The following MAP3K7 variants were observed in gnomAD, a reference collection of about 807,000 sequenced individuals.
The protein encoded by MAP3K7 is TGF-beta activated kinase 1.
MAP3K7 carries 21 observed loss-of-function variants against 84.8 expected under a neutral mutation model. That is an observed-to-expected ratio of 0.25 (90% CI 0.18 to 0.36). The LOEUF (loss-of-function observed/expected upper bound fraction) is 0.36. MAP3K7 is among the 10% of genes least tolerant of loss of function. The pLI, the probability that MAP3K7 is intolerant of heterozygous loss-of-function variation, is 1.00. For synonymous variants in MAP3K7, 241 were observed against 247.7 expected, an observed-to-expected ratio of 0.97 and a Z score of 0.25; for missense variants, 503 against 747.7, an observed-to-expected ratio of 0.67 and a Z score of 3.82.
intron 12 of MAP3K7, among the ~76,000 whole-genome samples, chr6:90,538,418 A>C (rs905013250): frequency 6.6e-6 from 1 of 151,912 alleles, no homozygotes; most frequent in African/African-American, 2.4e-5. Flanking sequence ...ATATGTACAT[A>C]CCTATATTAT....
chr6:90,536,036 A>T (rs1318376383), intron 13 of MAP3K7, among the ~76,000 whole-genome samples: 1 of 152,174 alleles, frequency 6.6e-6, no homozygotes, highest in East Asian at 1.9e-4. Context: ...AAATTGTTAA[A>T]TTATAAAATT....
chr6:90,546,374 T>C (rs530551756), intron 11 of MAP3K7, among the ~76,000 whole-genome samples: 1 of 152,288 alleles, frequency 6.6e-6, no homozygotes, highest in South Asian at 2.1e-4. Context: ...AATATATACA[T>C]TTATACACAT....
intron 12 of MAP3K7, among the ~76,000 whole-genome samples, chr6:90,541,028 A>T (rs1302652799): frequency 6.6e-6 from 1 of 151,978 alleles, no homozygotes; most frequent in Admixed American, 6.6e-5. Context: ...AGTGACAAAA[A>T]GAAAATATGG....
chr6:90,549,953 T>A (rs1013912555), intron 9 of MAP3K7, among the ~76,000 whole-genome samples: 1 of 152,150 alleles, frequency 6.6e-6, no homozygotes, highest in Non-Finnish European at 1.5e-5. Context: ...TTTTGAGAAG[T>A]ACAATATTTC....
chr6:90,548,366 A>G (rs573845532), intron 9 of MAP3K7, among the ~76,000 whole-genome samples, 189 bp from the exon 10 acceptor site: 1 of 152,328 alleles, frequency 6.6e-6, no homozygotes, highest in Non-Finnish European at 1.5e-5. Context: ...ACAAAAAAGG[A>G]ACCAAGATGC....
chr6:90,548,233 C>T, intron 9 of MAP3K7, 56 bp from the exon 10 acceptor site: 1 of 1,456,090 alleles, frequency 6.9e-7, no homozygotes, highest in South Asian at 1.3e-5. Flanking sequence ...AAATGCTTCA[C>T]TTGGTATTAT....
rs572872873 is a variant in MAP3K7, at chr6:90,529,430, C to T, written c.1357-5647G>A. On this transcript the variant is annotated intron_variant, in intron 13 of 16. Transcript: ENST00000369329. ...ATTCTGCCACTTACAGCTGTGTGAA[C>T]CTGTGTAAGTAACTTAGCCTCTCTG... 8.5e-5 allele frequency among the ~76,000 whole-genome samples: 13 copies of T among 152,204 alleles called. No individual in the cohort carries two copies. The South Asian group carries it at 2.7e-3, about 32-fold the overall frequency.
chr6:90,573,937 C>G (rs1776986918), intron 1 of MAP3K7, among the ~76,000 whole-genome samples: 1 of 152,242 alleles, frequency 6.6e-6, no homozygotes, highest in Non-Finnish European at 1.5e-5. Context: ...CAATTCTCAT[C>G]AGACATTTGT....
intron 7 of MAP3K7, 136 bp from the exon 8 acceptor site, chr6:90,552,315 A>G: frequency 1.3e-6 from 1 of 782,242 alleles, no homozygotes; most frequent in African/African-American, 1.7e-5. Flanking sequence ...GAGTAATAAA[A>G]GTGCTTTGTA....
rs1463575411 is a variant in MAP3K7, at chr6:90,523,788, A to G, written c.1357-5T>C. 6.6e-7 allele frequency: 1 copy of G among 1,512,578 alleles called. No individual in the cohort carries two copies. Among genetic ancestry groups the G allele is most frequent in the East Asian group, 2.3e-5 (1 of 44,390 alleles). The allele number at this position is 1,512,578 out of a possible 1,614,324, so 93.7% of individuals were successfully genotyped here. On this transcript the variant is annotated splice_region_variant and splice_polypyrimidine_tract_variant and intron_variant, in intron 13 of 16. Coordinates refer to ENST00000369329, the MANE Select transcript of MAP3K7 (RefSeq NM_145331.3). ...ACTGGATGACCTACTGCTCACCTAC[A>G]GGAAGAAGTCACAGGAGAAACAAAA... is the stretch of plus-strand genomic sequence containing the variant.
At chr6:90,555,666 T>A (rs2127976370) in intron 6 of MAP3K7, among the ~76,000 whole-genome samples, 1 of 152,310 alleles carries the variant, frequency 6.6e-6, no homozygotes, top group Admixed American at 6.5e-5. Context: ...GGTATTTATG[T>A]TCTATAAAGT....
chr6:90,573,496 G>A (rs1383097982), intron 1 of MAP3K7, among the ~76,000 whole-genome samples: 1 of 152,190 alleles, frequency 6.6e-6, no homozygotes, highest in Non-Finnish European at 1.5e-5. Context: ...TCCACTTCAT[G>A]TATCAATAAG....
chr6:90,558,183 A>C (rs1017881176), intron 5 of MAP3K7, among the ~76,000 whole-genome samples: 1 of 151,966 alleles, frequency 6.6e-6, no homozygotes, highest in South Asian at 2.1e-4. Context: ...TTAGCCAGGC[A>C]TGGTGGCACA....
intron 1 of MAP3K7, among the ~76,000 whole-genome samples, chr6:90,582,742 T>C (rs1187920842): frequency 6.6e-6 from 1 of 152,204 alleles, no homozygotes; most frequent in Non-Finnish European, 1.5e-5. Context: ...TATTTTCAAA[T>C]TATGGCTTAA....
chr6:90,559,386 G>C (rs1204847983), intron 5 of MAP3K7, among the ~76,000 whole-genome samples: 1 of 152,038 alleles, frequency 6.6e-6, no homozygotes, highest in Non-Finnish European at 1.5e-5. Context: ...GGGAGCTTGG[G>C]GGGAGGGTAA....
At chr6:90,541,036 T>C (rs978106251) in intron 12 of MAP3K7, among the ~76,000 whole-genome samples, 1 of 151,882 alleles carries the variant, frequency 6.6e-6, no homozygotes, top group East Asian at 1.9e-4. Context: ...AAAGAAAATA[T>C]GGGAAAAAGT....
intron 9 of MAP3K7, among the ~76,000 whole-genome samples, chr6:90,549,842 A>C (rs1328059357): frequency 6.6e-6 from 1 of 152,234 alleles, no homozygotes; most frequent in African/African-American, 2.4e-5. Flanking sequence ...ATAGATCAGT[A>C]AAAGTATTTT....
intron 13 of MAP3K7, among the ~76,000 whole-genome samples, chr6:90,534,423 T>G (rs367588908): frequency 6.6e-6 from 1 of 152,154 alleles, no homozygotes; most frequent in East Asian, 1.9e-4. Context: ...GTGGATCAGT[T>G]TTAAAATGTG....
intron 8 of MAP3K7, chr6:90,551,769 A>G (rs1776185693): frequency 4.0e-6 from 1 of 252,206 alleles, no homozygotes; most frequent in Non-Finnish European, 7.6e-6. Flanking sequence ...AAATGAGGCA[A>G]CAGGCCCAGA....
Sources: allele counts gnomAD v4.1 joint callset (sites outside exome capture counted in the v4.1 genomes callset), GRCh38; gene constraint gnomAD v4.1.1; transcripts MANE v1.5; gene names NCBI Gene and HGNC (gene_info 2026-07-23, HGNC 2026-07-21).